Variants in MAGI1 observed in about 807,000 individuals in gnomAD.
MAGI1 encodes the protein membrane associated guanylate kinase, WW and PDZ domain containing 1, also known as membrane-associated guanylate kinase, WW and PDZ domain-containing protein 1.
In MAGI1, 58 loss-of-function variants were observed where a neutral mutation model predicts 139.9. The observed-to-expected ratio is 0.41, with a 90% confidence interval of 0.34 to 0.52. The LOEUF is 0.52. Ranked by LOEUF, MAGI1 falls within the 20% of genes least tolerant of loss-of-function variation. The pLI, the probability that MAGI1 is intolerant of heterozygous loss-of-function variation, is 0.12. For synonymous variants in MAGI1, 812 were observed against 737.9 expected (o/e 1.10, Z -1.63); for missense variants, 1,874 against 1,901.6 (o/e 0.99, Z 0.27).
intron 1 of MAGI1, among the ~76,000 whole-genome samples, chr3:65,674,682 C>G (rs1249726142): frequency 6.6e-6 from 1 of 152,118 alleles, no homozygotes; most frequent in Non-Finnish European, 1.5e-5. Context: ...AGTATTCCCA[C>G]TCCTGCTGGC....
intron 1 of MAGI1, among the ~76,000 whole-genome samples, chr3:65,696,845 C>A (rs1265647793): frequency 6.6e-6 from 1 of 151,858 alleles, no homozygotes; most frequent in African/African-American, 2.4e-5. Flanking sequence ...CATCAGAAGC[C>A]CAGAACACTT....
In MAGI1 at chr3:65,564,114, T is replaced by G. The variant is rs74354120; in HGVS notation, c.430+57858A>C. Among the ~76,000 whole-genome samples the G allele has an allele frequency of 2.1e-4, 32 of 152,244 alleles. No individual in the cohort carries two copies. In the East Asian group the frequency reaches 6.2e-3, roughly 30 times the overall value. On this transcript the variant is annotated intron_variant, in intron 2 of 22. Transcript: ENST00000402939. ...CTCCTGCATTTACGCTTTCCCATTG[T>G]TTCACTCTTCTCAAAGCCGTCCTCC...
chr3:65,886,271 T>C (rs2060527849), intron 1 of MAGI1, among the ~76,000 whole-genome samples: 1 of 152,232 alleles, frequency 6.6e-6, no homozygotes, highest in Non-Finnish European at 1.5e-5. Context: ...GTTGTATTTT[T>C]TGACAGTCAA....
intron 18 of MAGI1, among the ~76,000 whole-genome samples, chr3:65,369,322 G>A (rs1170083601): frequency 6.6e-6 from 1 of 152,144 alleles, no homozygotes; most frequent in Non-Finnish European, 1.5e-5. Context: ...CAGAGTGAGG[G>A]AAACTAAAGA....
chr3:65,883,982 A>G (rs527642704), intron 1 of MAGI1, among the ~76,000 whole-genome samples: 1 of 152,346 alleles, frequency 6.6e-6, no homozygotes, highest in Non-Finnish European at 1.5e-5. Context: ...ATTCCCTAAA[A>G]GGCTTTTAAA....
At chr3:65,376,938 T>C (rs954196347) in intron 17 of MAGI1, among the ~76,000 whole-genome samples, 4 of 152,232 alleles carry the variant, frequency 2.6e-5, no homozygotes, top group African/African-American at 4.8e-5. Context: ...AGGCCTGACA[T>C]AGGATTTCTG....
At chr3:65,676,900 A>G (rs1168472963) in intron 1 of MAGI1, among the ~76,000 whole-genome samples, 2 of 152,224 alleles carry the variant, frequency 1.3e-5, no homozygotes, top group Non-Finnish European at 2.9e-5. Flanking sequence ...CCCCACATAC[A>G]AACATACCAG....
chr3:66,028,233 T>C (rs953183822), intron 1 of MAGI1, among the ~76,000 whole-genome samples: 2 of 151,906 alleles, frequency 1.3e-5, no homozygotes, highest in Non-Finnish European at 2.9e-5. Context: ...GCCCAGGAGG[T>C]GGGTGTTGCA....
At chr3:65,762,639 T>C (rs1490889002) in intron 1 of MAGI1, among the ~76,000 whole-genome samples, 1 of 152,150 alleles carries the variant, frequency 6.6e-6, no homozygotes, top group Non-Finnish European at 1.5e-5. Context: ...TTGTTTCTAT[T>C]TGTTTCTTTA....
chr3:65,451,893 C>T (rs1437107905), intron 6 of MAGI1, among the ~76,000 whole-genome samples: 1 of 152,166 alleles, frequency 6.6e-6, no homozygotes, highest in Non-Finnish European at 1.5e-5. Context: ...AGTGATCCTC[C>T]TGCCTCAGCC....
chr3:66,034,271 C>G (rs1377774789), intron 1 of MAGI1, among the ~76,000 whole-genome samples: 1 of 151,834 alleles, frequency 6.6e-6, no homozygotes, highest in Non-Finnish European at 1.5e-5. Context: ...GGTCTGAGGA[C>G]CTCACTTGGA....
chr3:65,414,999 A>G (rs865859685), intron 12 of MAGI1, among the ~76,000 whole-genome samples: 67 of 141,914 alleles, frequency 4.7e-4, no homozygotes, highest in Middle Eastern at 3.6e-3. Flanking sequence ...ATTGCACTCC[A>G]GCCTGGGAAA....
intron 1 of MAGI1, among the ~76,000 whole-genome samples, chr3:65,928,118 A>T (rs1243788804): frequency 6.6e-6 from 1 of 152,244 alleles, no homozygotes; most frequent in South Asian, 2.1e-4. Flanking sequence ...CCATGAAGAC[A>T]AGGATTTTTT....
intron 5 of MAGI1, among the ~76,000 whole-genome samples, chr3:65,456,795 T>C (rs1297090926): frequency 6.6e-6 from 1 of 152,166 alleles, no homozygotes. Flanking sequence ...TCCATTGGAA[T>C]GCTTTCAAAT....
intron 2 of MAGI1, among the ~76,000 whole-genome samples, chr3:65,574,721 C>T (rs1458756251): frequency 6.6e-6 from 1 of 151,920 alleles, no homozygotes; most frequent in African/African-American, 2.4e-5. Flanking sequence ...TATAAATCTC[C>T]AGTAATCAAG....
chr3:65,666,878 G>A (rs1387403360), intron 1 of MAGI1, among the ~76,000 whole-genome samples: 1 of 152,126 alleles, frequency 6.6e-6, no homozygotes, highest in Non-Finnish European at 1.5e-5. Context: ...ATGACCACAG[G>A]CAAGGTCCAC....
At chr3:66,011,250 A>G (rs2067305530) in intron 1 of MAGI1, among the ~76,000 whole-genome samples, 1 of 152,230 alleles carries the variant, frequency 6.6e-6, no homozygotes, top group Non-Finnish European at 1.5e-5. Flanking sequence ...AGGGAAAATG[A>G]AAGGGAACGG....
At chr3:65,587,479 CTTTT>C (rs755825684) in intron 2 of MAGI1, among the ~76,000 whole-genome samples, 2 of 109,516 alleles carry the variant, frequency 1.8e-5, no homozygotes, top group African/African-American at 7.8e-5. Flanking sequence ...TTACTTTTTT[CTTTT>C]TTTTTTTTTT....
chr3:65,691,432 C>T (rs1424057547), intron 1 of MAGI1, among the ~76,000 whole-genome samples: 1 of 152,092 alleles, frequency 6.6e-6, no homozygotes, highest in African/African-American at 2.4e-5. Context: ...ATTACTTTTG[C>T]ACCAACCTAA....
Sources: allele counts gnomAD v4.1 joint callset (sites outside exome capture counted in the v4.1 genomes callset), GRCh38; gene constraint gnomAD v4.1.1; transcripts MANE v1.5; gene names NCBI Gene and HGNC (gene_info 2026-07-23, HGNC 2026-07-21).